The following VRK2 variants were observed in gnomAD, a reference collection of about 807,000 sequenced individuals.
The protein encoded by VRK2 is serine/threonine-protein kinase VRK2.
In VRK2, 60 loss-of-function variants were observed where a neutral mutation model predicts 57.6. The ratio of observed to expected loss-of-function variants is 1.04; its 90% CI spans 0.85 to 1.29. The LOEUF (loss-of-function observed/expected upper bound fraction) is 1.29, where lower values mean the gene tolerates loss of function less well. Ranked by LOEUF, VRK2 falls within the 50% of genes most tolerant of loss-of-function variation. The pLI, the probability that VRK2 is intolerant of heterozygous loss-of-function variation, is 0.00. For synonymous variants in VRK2, 231 were observed against 199.2 expected (o/e 1.16, Z -1.35); for missense variants, 705 against 588.1 (o/e 1.20, Z -2.06).
intron 1 of VRK2, among the ~76,000 whole-genome samples, chr2:57,968,153 A>C (rs1214009098): frequency 1.3e-5 from 2 of 152,078 alleles, no homozygotes; most frequent in East Asian, 3.8e-4. Flanking sequence ...CCAACCTGAA[A>C]CTGCAAAAAA....
chr2:58,155,915 A>G (rs1683754064), intron 12 of VRK2, among the ~76,000 whole-genome samples: 1 of 131,386 alleles, frequency 7.6e-6, no homozygotes, highest in African/African-American at 3.1e-5. Context: ...CATGTTTTTC[A>G]TGTTTGTTTT....
chr2:58,006,741 G>T (rs769214239), intron 1 of VRK2, among the ~76,000 whole-genome samples: 1 of 152,116 alleles, frequency 6.6e-6, no homozygotes, highest in African/African-American at 2.4e-5. Context: ...AGCTGGCCTT[G>T]AACTGACCTA....
chr2:57,938,297 A>G (rs1234537052), intron 1 of VRK2, among the ~76,000 whole-genome samples: 1 of 152,232 alleles, frequency 6.6e-6, no homozygotes, highest in Admixed American at 6.5e-5. Context: ...ATTTTATGTT[A>G]ACAAATATTT....
At chr2:57,990,644 ATCAT>A (rs1426449461) in intron 1 of VRK2, among the ~76,000 whole-genome samples, 24 of 152,338 alleles carry the variant, frequency 1.6e-4, no homozygotes, top group African/African-American at 5.1e-4. Flanking sequence ...TATGGAAGCA[ATCAT>A]TCAATCAATT....
chr2:58,146,135 A>T (rs1034071530), intron 11 of VRK2, among the ~76,000 whole-genome samples, 181 bp from the exon 12 acceptor site: 1 of 152,036 alleles, frequency 6.6e-6, no homozygotes, highest in African/African-American at 2.4e-5. Context: ...ATTGATGAGA[A>T]AGGGTCTGGA....
In VRK2 at chr2:58,053,317, A is replaced by G. The variant is rs76337803; in HGVS notation, c.136+4350A>G. On this transcript the variant is annotated intron_variant, in intron 2 of 12. Coordinates refer to ENST00000340157, the MANE Select transcript of VRK2 (RefSeq NM_006296.7). ...TAAAGAATAACACATTATTATAACT[A>G]AAGTTAACTGTGGTGAAGCCTGAAA... is the stretch of plus-strand genomic sequence containing the variant. Among the ~76,000 whole-genome samples the G allele has an allele frequency of 6.6e-3, 1,009 of 152,356 alleles. 12 individuals carry two copies. Among genetic ancestry groups the G allele is most frequent in the African/African-American group, 0.023 (950 of 41,584 alleles).
At chr2:58,138,461 T>G (rs1680860850) in intron 10 of VRK2, among the ~76,000 whole-genome samples, 1 of 152,192 alleles carries the variant, frequency 6.6e-6, no homozygotes, top group Non-Finnish European at 1.5e-5. Flanking sequence ...GTTTACATTT[T>G]AACCACGTTA....
intron 1 of VRK2, among the ~76,000 whole-genome samples, chr2:57,943,477 G>A (rs535902027): frequency 1.3e-5 from 2 of 152,200 alleles, no homozygotes; most frequent in Admixed American, 6.5e-5. Flanking sequence ...AGGGGACCTA[G>A]AAGTTGTAAC....
intron 1 of VRK2, among the ~76,000 whole-genome samples, chr2:57,985,968 G>C (rs1332763888): frequency 2.0e-5 from 3 of 151,980 alleles, no homozygotes; most frequent in Non-Finnish European, 4.4e-5. Context: ...ACTAAATATG[G>C]ACTATATGCT....
chr2:58,076,877 A>T (rs116482865), intron 2 of VRK2, among the ~76,000 whole-genome samples: 5,776 of 151,906 alleles, frequency 0.038, 378 homozygotes, highest in African/African-American at 0.13. Flanking sequence ...AATTTTAAAG[A>T]GCTTGCAAAA....
intron 8 of VRK2, among the ~76,000 whole-genome samples, chr2:58,128,255 A>G (rs1375421848): frequency 6.6e-6 from 1 of 152,190 alleles, no homozygotes; most frequent in South Asian, 2.1e-4. Context: ...TGCCTGCTTC[A>G]AATACCTTCC....
At chr2:58,036,595 A>G (rs1674281430) in intron 3 of VRK2, among the ~76,000 whole-genome samples, 3 of 152,110 alleles carry the variant, frequency 2.0e-5, no homozygotes, top group Admixed American at 6.6e-5. Context: ...TGTTCAAATT[A>G]ATATATACAG....
rs115616117 is a variant in VRK2, at chr2:58,021,540, G to A, written c.-438-4125G>A. Among the ~76,000 whole-genome samples the A allele has an allele frequency of 6.8e-4, 104 of 152,196 alleles. 1 individual carries two copies. The highest frequency in any genetic ancestry group is 7.2e-4 in the African/African-American group (30 of 41,512). On this transcript the variant is annotated intron_variant, in intron 1 of 15. Coordinates refer to the VRK2 transcript ENST00000417641. ...CAAATTAGCCAAAAATACTATGACC[G>A]TTTATCTGGGTTTATACTACCATGA...
intron 7 of VRK2, among the ~76,000 whole-genome samples, chr2:58,098,241 TA>T (rs552589970): frequency 0.011 from 1,677 of 152,198 alleles, 25 homozygotes; most frequent in Non-Finnish European, 0.018. Context: ...CAAAAAGTTT[TA>T]AAAAAATAAA....
chr2:57,958,372 T>C (rs1356263454), intron 1 of VRK2, among the ~76,000 whole-genome samples: 1 of 151,900 alleles, frequency 6.6e-6, no homozygotes, highest in Non-Finnish European at 1.5e-5. Context: ...CCAGTTAATT[T>C]GACAGCTACC....
At chr2:58,051,362 T>A (rs1260065946) in intron 2 of VRK2, among the ~76,000 whole-genome samples, 1 of 151,134 alleles carries the variant, frequency 6.6e-6, no homozygotes, top group Non-Finnish European at 1.5e-5. Context: ...AATAAAGATG[T>A]GTGTTCCAAA....
intron 1 of VRK2, among the ~76,000 whole-genome samples, chr2:58,019,730 C>A (rs1305251620): frequency 1.3e-5 from 2 of 152,168 alleles, no homozygotes; most frequent in Non-Finnish European, 2.9e-5. Context: ...CTAACTACTT[C>A]TCAGACAGTA....
chr2:58,089,450 T>C (rs1449121529), intron 6 of VRK2, among the ~76,000 whole-genome samples, 181 bp from the exon 7 acceptor site: 1 of 152,190 alleles, frequency 6.6e-6, no homozygotes, highest in Non-Finnish European at 1.5e-5. Context: ...TCATTTTACT[T>C]TTTTCTAGGA....
intron 1 of VRK2, among the ~76,000 whole-genome samples, chr2:57,997,385 T>C (rs1388430825): frequency 6.6e-6 from 1 of 151,868 alleles, no homozygotes; most frequent in African/African-American, 2.4e-5. Flanking sequence ...TCCTCAGTGA[T>C]GGGGAGTTGA....
Sources: gnomAD v4.1 joint callset for allele counts (sites outside exome capture counted in the v4.1 genomes callset) on GRCh38, gnomAD v4.1.1 for gene constraint, MANE v1.5 for transcripts, NCBI Gene and HGNC (gene_info 2026-07-23, HGNC 2026-07-21) for gene names.